The following DNAJC12 variants were observed in gnomAD, a reference collection of about 807,000 sequenced individuals.
DNAJC12 encodes DnaJ heat shock protein family (Hsp40) member C12, also known as dnaJ homolog subfamily C member 12.
In DNAJC12, 25 loss-of-function variants were observed where a neutral mutation model predicts 28.5. That is an observed-to-expected ratio of 0.88 (90% CI 0.64 to 1.22). DNAJC12 has a LOEUF of 1.22. DNAJC12 is among the 50% of genes most tolerant of loss of function. The pLI, the probability that DNAJC12 is intolerant of heterozygous loss-of-function variation, is 0.00. For missense variants in DNAJC12, 222 were observed against 231.7 expected (o/e 0.96, Z 0.27); for synonymous variants, 77 against 80.6 (o/e 0.95, Z 0.24).
At chr10:67,817,917 G>A (rs1589608219) in intron 2 of DNAJC12, among the ~76,000 whole-genome samples, 1 of 149,846 alleles carries the variant, frequency 6.7e-6, no homozygotes, top group African/African-American at 2.5e-5. Flanking sequence ...TTTTGAAATA[G>A]TCTGGCCAGG....
intron 2 of DNAJC12, among the ~76,000 whole-genome samples, chr10:67,813,236 G>A (rs1378321477): frequency 2.0e-5 from 3 of 151,926 alleles, no homozygotes; most frequent in African/African-American, 4.8e-5. Context: ...GGCGGTGGGC[G>A]CCTGTAATCC....
rs746006867 is a variant in DNAJC12, at chr10:67,811,512, C to T, written c.297+12G>A. ...CTTCACAAATTCACGTCGCACCCAG[C>T]GAGAAACCCACCGTCTTCACTGAGT... On this transcript the variant is annotated intron_variant, in intron 3 of 4. Coordinates refer to ENST00000225171, the MANE Select transcript of DNAJC12 (RefSeq NM_021800.3). The T allele has an allele frequency of 2.5e-5, 40 of 1,613,776 alleles. 1 individual carries two copies. Among genetic ancestry groups the T allele is most frequent in the Admixed American group, 2.2e-4 (13 of 59,922 alleles).
At chr10:67,801,373 A>T (rs1841742414) in intron 4 of DNAJC12, among the ~76,000 whole-genome samples, 1 of 152,250 alleles carries the variant, frequency 6.6e-6, no homozygotes, top group African/African-American at 2.4e-5. Flanking sequence ...ACTTTGATAT[A>T]TCCAACTCCA....
intron 4 of DNAJC12, among the ~76,000 whole-genome samples, chr10:67,800,489 C>T (rs543327160): frequency 6.6e-6 from 1 of 152,298 alleles, no homozygotes; most frequent in Admixed American, 6.5e-5. Context: ...GGCATTTACT[C>T]CCTGACACTT....
Position 67,819,711 on chromosome 10 carries a change from GAAGGAAGC to G in DNAJC12, c.157+3595_157+3602del, listed in dbSNP as rs1312316000. ...GAAAGAAAGAAAGGAAGGAAGGAAG[GAAGGAAGC>G]AAGGAAGGAAGGAAGGAAGGAAGGA... On this transcript the variant is annotated intron_variant, in intron 2 of 4. Coordinates refer to ENST00000225171, the MANE Select transcript of DNAJC12 (RefSeq NM_021800.3). Among the ~76,000 whole-genome samples, 174 of 32,756 alleles carry G rather than the reference GAAGGAAGC, an allele frequency of 5.3e-3. 23 individuals carry two copies. The highest frequency in any genetic ancestry group is 0.019 in the Middle Eastern group (1 of 52). The allele number at this position is 32,756 out of a possible 152,430, so 21.5% of individuals were successfully genotyped here.
chr10:67,813,730 C>T (rs1841886061), intron 2 of DNAJC12, among the ~76,000 whole-genome samples: 1 of 150,658 alleles, frequency 6.6e-6, no homozygotes, highest in Non-Finnish European at 1.5e-5. Context: ...TACACTCCTG[C>T]CTGGGTGACA....
In DNAJC12 at chr10:67,801,836, C is replaced by CTTTTTTTTTTTTTT; in HGVS notation, c.502+3733_502+3746dup. ...TGATTCCCATCCCCTCCACTTCATT[C>CTTTTTTTTTTTTTT]TTTTTTTTTTTTTTTTTTTTTTTTT... On this transcript the variant is annotated intron_variant, in intron 4 of 4. Transcript: ENST00000225171. 3.2e-3 allele frequency among the ~76,000 whole-genome samples: 83 copies of CTTTTTTTTTTTTTT among 26,132 alleles called. 27 individuals are homozygous for CTTTTTTTTTTTTTT. Among genetic ancestry groups the CTTTTTTTTTTTTTT allele is most frequent in the East Asian group, 8.0e-3 (5 of 628 alleles). The allele number at this position is 26,132 out of a possible 152,430, so 17.1% of individuals were successfully genotyped here.
intron 4 of DNAJC12, among the ~76,000 whole-genome samples, chr10:67,799,080 T>C (rs1244426869): frequency 6.6e-6 from 1 of 152,184 alleles, no homozygotes; most frequent in African/African-American, 2.4e-5. Context: ...TCATTTTTAA[T>C]ACTCTTTTTT....
chr10:67,799,620 C>T (rs1297522706), intron 4 of DNAJC12, among the ~76,000 whole-genome samples: 1 of 152,170 alleles, frequency 6.6e-6, no homozygotes, highest in Non-Finnish European at 1.5e-5. Context: ...TGCGGTGGCT[C>T]ACGCCTGTGA....
chr10:67,804,079 G>A (rs746549842), intron 4 of DNAJC12, among the ~76,000 whole-genome samples: 4 of 152,186 alleles, frequency 2.6e-5, no homozygotes, highest in African/African-American at 4.8e-5. Flanking sequence ...GTTCAGGAAC[G>A]TTCTGCTTAA....
chr10:67,827,719 C>T (rs1426791597), intron 1 of DNAJC12: 3 of 151,704 alleles, frequency 2.0e-5, no homozygotes, highest in Non-Finnish European at 4.4e-5. Flanking sequence ...GTATTTAGTA[C>T]ATGGAAGCAA....
At chr10:67,831,070 C>T (rs1307612200) in intron 1 of DNAJC12, among the ~76,000 whole-genome samples, 2 of 152,116 alleles carry the variant, frequency 1.3e-5, no homozygotes, top group Admixed American at 1.3e-4. Context: ...TGCCTGTAGT[C>T]CCAGCTACTT....
intron 1 of DNAJC12, among the ~76,000 whole-genome samples, chr10:67,834,457 C>G (rs568958113): frequency 1.3e-5 from 2 of 152,306 alleles, no homozygotes; most frequent in Non-Finnish European, 2.9e-5. Flanking sequence ...GTTCAAAGTA[C>G]TTTATATATC....
chr10:67,831,536 C>G (rs1274102126), intron 1 of DNAJC12, among the ~76,000 whole-genome samples: 1 of 152,156 alleles, frequency 6.6e-6, no homozygotes, highest in Non-Finnish European at 1.5e-5. Context: ...TACAAATGCC[C>G]TGTCTCTCCC....
intron 1 of DNAJC12, among the ~76,000 whole-genome samples, chr10:67,836,806 T>C (rs1237573864): frequency 6.6e-6 from 1 of 152,028 alleles, no homozygotes; most frequent in Non-Finnish European, 1.5e-5. Flanking sequence ...GCACATTTTA[T>C]TAATGAACTA....
intron 1 of DNAJC12, among the ~76,000 whole-genome samples, chr10:67,833,110 G>A (rs1017011388): frequency 2.0e-5 from 3 of 152,188 alleles, no homozygotes; most frequent in East Asian, 1.9e-4. Flanking sequence ...AGGGTTAAGC[G>A]TAATAAGGGA....
At chr10:67,813,047 G>A (rs910316780) in intron 2 of DNAJC12, among the ~76,000 whole-genome samples, 5 of 151,472 alleles carry the variant, frequency 3.3e-5, no homozygotes, top group African/African-American at 4.9e-5. Context: ...AAATTCATAT[G>A]TTGAATTCTT....
In DNAJC12 at chr10:67,824,264, A is replaced by G. The variant is rs982404225; in HGVS notation, c.79-872T>C. On this transcript the variant is annotated intron_variant, in intron 1 of 4. Coordinates refer to ENST00000225171, the MANE Select transcript of DNAJC12 (RefSeq NM_021800.3). ...AAAAAAAAAAAAAAAATATTTAAAT[A>G]CCCAAAATGATCAGGTAGGTTTCTC... Among the ~76,000 whole-genome samples the G allele has an allele frequency of 1.3e-4, 20 of 151,380 alleles. No individual in the cohort carries two copies. The Admixed American group carries it at 1.3e-3, about 10-fold the overall frequency.
In DNAJC12 at chr10:67,837,898, A is replaced by C. The variant is rs371991962; in HGVS notation, c.78+36T>G. 80 of 1,444,700 alleles carry C rather than the reference A, an allele frequency of 5.5e-5. No individual in the cohort carries two copies. The African/African-American group carries it at 1.0e-3, about 19-fold the overall frequency. 89.5% of individuals were successfully genotyped at this position (1,444,700 alleles called of 1,614,324 possible). On this transcript the variant is annotated intron_variant, in intron 1 of 4. Coordinates refer to ENST00000225171, the MANE Select transcript of DNAJC12 (RefSeq NM_021800.3). ...ACTTGAAATACTATTGTGAAAAAGA[A>C]TACTGTTGTGATAAAAATATTATCC...
Sources: allele counts gnomAD v4.1 joint callset (sites outside exome capture counted in the v4.1 genomes callset), GRCh38; gene constraint gnomAD v4.1.1; transcripts MANE v1.5; gene names NCBI Gene and HGNC (gene_info 2026-07-23, HGNC 2026-07-21).